Variants in GIGYF2 observed in about 807,000 individuals in gnomAD.
The protein encoded by GIGYF2 is GRB10 interacting GYF protein 2.
GIGYF2 carries 25 observed loss-of-function variants against 208.1 expected under a neutral mutation model. That is an observed-to-expected ratio of 0.12 (90% confidence interval 0.09 to 0.17). GIGYF2 has a LOEUF of 0.17. Among genes scored for constraint, GIGYF2 ranks in the 10% least tolerant of loss-of-function variants. The pLI is 1.00. For missense variants in GIGYF2, 1,302 were observed against 1,579.4 expected (o/e 0.82, Z 2.98); for synonymous variants, 534 against 543.8 (o/e 0.98, Z 0.25).
At chr2:232,751,372 G>A (rs1236037715) in intron 5 of GIGYF2, among the ~76,000 whole-genome samples, 2 of 151,852 alleles carry the variant, frequency 1.3e-5, no homozygotes, top group African/African-American at 4.8e-5. Flanking sequence ...ATACCAACAC[G>A]CCTGGCTAAT....
intron 22 of GIGYF2, among the ~76,000 whole-genome samples, chr2:232,834,707 C>G (rs1458209609): frequency 5.9e-5 from 9 of 152,174 alleles, no homozygotes; most frequent in Non-Finnish European, 1.2e-4. Flanking sequence ...TTAATGGTGT[C>G]TCATTTCTCT....
chr2:232,816,430 A>C (rs901539862), intron 19 of GIGYF2, among the ~76,000 whole-genome samples: 3 of 152,172 alleles, frequency 2.0e-5, no homozygotes, highest in Non-Finnish European at 4.4e-5. Context: ...TTATAGCCAC[A>C]CTGTTAAATG....
At chr2:232,779,360 G>A (rs139120681) in intron 8 of GIGYF2, among the ~76,000 whole-genome samples, 298 of 152,228 alleles carry the variant, frequency 2.0e-3, no homozygotes, top group African/African-American at 6.9e-3. Flanking sequence ...GTCCCTAAAG[G>A]CATTTGATTT....
chr2:232,800,531 A>G (rs1273022158), intron 14 of GIGYF2, among the ~76,000 whole-genome samples: 3 of 151,434 alleles, frequency 2.0e-5, no homozygotes, highest in Admixed American at 6.6e-5. Flanking sequence ...TATCTTTGCA[A>G]TAAATTTTGA....
At chr2:232,735,962 TA>T (rs1482661201) in intron 3 of GIGYF2, 16 of 984,104 alleles carry the variant, frequency 1.6e-5, no homozygotes, top group Non-Finnish European at 1.9e-5. Flanking sequence ...AAGTAGTATC[TA>T]AAATAGATAA....
At chr2:232,791,698 G>A (rs1049017397) in intron 12 of GIGYF2, among the ~76,000 whole-genome samples, 4 of 152,170 alleles carry the variant, frequency 2.6e-5, no homozygotes, top group Non-Finnish European at 5.9e-5. Context: ...TTATGACATA[G>A]CCACCCTGTC....
intron 8 of GIGYF2, among the ~76,000 whole-genome samples, chr2:232,784,053 A>G (rs781725592): frequency 9.2e-5 from 14 of 152,212 alleles, no homozygotes; most frequent in Non-Finnish European, 2.1e-4. Context: ...AATTACATAC[A>G]AGGATCAAAA....
intron 8 of GIGYF2, among the ~76,000 whole-genome samples, chr2:232,773,876 A>G (rs1699388851): frequency 6.7e-6 from 1 of 148,890 alleles, no homozygotes; most frequent in Non-Finnish European, 1.5e-5. Flanking sequence ...GTTAGAGACC[A>G]GCCTAGGCAA....
At chr2:232,854,145 C>G (rs1187275916) in intron 28 of GIGYF2, among the ~76,000 whole-genome samples, 1 of 152,184 alleles carries the variant, frequency 6.6e-6, no homozygotes, top group Non-Finnish European at 1.5e-5. Flanking sequence ...TATTTTATTT[C>G]ATAGACTGGC....
chr2:232,801,647 A>G (rs1700403690), intron 14 of GIGYF2, among the ~76,000 whole-genome samples: 2 of 152,264 alleles, frequency 1.3e-5, no homozygotes, highest in Non-Finnish European at 2.9e-5. Flanking sequence ...ACACTTAAAA[A>G]TCTACTTGGC....
chr2:232,828,103 C>T (rs1701305570), intron 21 of GIGYF2, among the ~76,000 whole-genome samples: 1 of 152,086 alleles, frequency 6.6e-6, no homozygotes, highest in Non-Finnish European at 1.5e-5. Flanking sequence ...GATCCTCTCA[C>T]CTCAGTCTCC....
At position 232,732,283 on chromosome 2, in the gene GIGYF2, G is replaced by A. The variant is rs138868384; in HGVS notation, c.-43-2872G>A. Among the ~76,000 whole-genome samples the A allele has an allele frequency of 7.3e-3, 1,110 of 152,170 alleles. 11 individuals carry two copies. The highest frequency in any genetic ancestry group is 0.011 in the Non-Finnish European group (746 of 68,008). ...TGGGTTGTGCAGTGTCATCAGTATC[G>A]GTAGCAAACCATAACAGACTCCATT... is the stretch of plus-strand genomic sequence containing the variant. On this transcript the variant is annotated intron_variant, in intron 2 of 28. Coordinates refer to ENST00000373563, the MANE Select transcript of GIGYF2 (RefSeq NM_001103146.3).
intron 3 of GIGYF2, among the ~76,000 whole-genome samples, chr2:232,746,439 TC>T (rs1299465092): frequency 1.3e-5 from 2 of 152,180 alleles, no homozygotes; most frequent in Non-Finnish European, 2.9e-5. Flanking sequence ...ATTGAATTTT[TC>T]CTTAGTCTAA....
chr2:232,756,195 C>G, intron 5 of GIGYF2, 28 bp from the exon 6 acceptor site: 1 of 1,023,758 alleles, frequency 9.8e-7, no homozygotes, highest in Non-Finnish European at 1.4e-6. Context: ...TTTCCTTTTT[C>G]TCTTTTTTTT....
At chr2:232,851,184 G>A (rs1426756400) in intron 28 of GIGYF2, among the ~76,000 whole-genome samples, 1 of 152,146 alleles carries the variant, frequency 6.6e-6, no homozygotes, top group African/African-American at 2.4e-5. Flanking sequence ...AGGCATGGTG[G>A]TGCCCACCTA....
At chr2:232,751,265 A>G (rs1454831620) in intron 5 of GIGYF2, among the ~76,000 whole-genome samples, 4 of 152,116 alleles carry the variant, frequency 2.6e-5, no homozygotes, top group African/African-American at 9.7e-5. Flanking sequence ...CTCAGGCTGT[A>G]GTGCAGTGTC....
chr2:232,704,512 C>G (rs2106244360), intron 2 of GIGYF2, among the ~76,000 whole-genome samples: 1 of 152,114 alleles, frequency 6.6e-6, no homozygotes, highest in African/African-American at 2.4e-5. Flanking sequence ...TCAAGTGATT[C>G]TTGTGCCTCA....
intron 8 of GIGYF2, among the ~76,000 whole-genome samples, chr2:232,783,474 AAG>A (rs1420440089): frequency 6.6e-6 from 1 of 151,912 alleles, no homozygotes; most frequent in Non-Finnish European, 1.5e-5. Context: ...TCATTTGTGA[AAG>A]AGGGGGTTGG....
At chr2:232,722,510 A>G (rs890511863) in intron 2 of GIGYF2, 1 of 152,200 alleles carries the variant, frequency 6.6e-6, no homozygotes, top group African/African-American at 2.4e-5. Context: ...GAGTGGGGAC[A>G]CAAACCCTAA....
Sources: allele counts gnomAD v4.1 joint callset (sites outside exome capture counted in the v4.1 genomes callset), GRCh38; gene constraint gnomAD v4.1.1; transcripts MANE v1.5; gene names NCBI Gene and HGNC (gene_info 2026-07-23, HGNC 2026-07-21).